Variants in SAR1A observed in about 807,000 individuals in gnomAD.
The protein encoded by SAR1A is secretion associated Ras related GTPase 1A.
SAR1A carries 6 observed loss-of-function variants against 22.6 expected under a neutral mutation model. The observed-to-expected ratio is 0.27, with a 90% CI of 0.15 to 0.52. SAR1A has a LOEUF of 0.52. SAR1A is among the 20% of genes least tolerant of loss of function. The pLI is 0.96. For synonymous variants in SAR1A, 70 were observed against 82.2 expected, an observed-to-expected ratio of 0.85 and a Z score of 0.80; for missense variants, 145 against 245.1, an observed-to-expected ratio of 0.59 and a Z score of 2.73.
chr10:70,165,180 G>A (rs1839531164), intron 1 of SAR1A, among the ~76,000 whole-genome samples: 1 of 149,892 alleles, frequency 6.7e-6, no homozygotes, highest in Admixed American at 6.7e-5. Context: ...CAGGAGAATG[G>A]CGTGAACCCG....
At chr10:70,155,801 T>C (rs1041506914) in intron 5 of SAR1A, among the ~76,000 whole-genome samples, 7 of 152,132 alleles carry the variant, frequency 4.6e-5, no homozygotes, top group Non-Finnish European at 1.0e-4. Context: ...TAGCTACTTG[T>C]GCATATTCAA....
At chr10:70,155,375 T>C (rs1839374995) in intron 5 of SAR1A, among the ~76,000 whole-genome samples, 1 of 152,152 alleles carries the variant, frequency 6.6e-6, no homozygotes. Context: ...GGGAATCTAG[T>C]TGTCACCAAT....
intron 1 of SAR1A, among the ~76,000 whole-genome samples, chr10:70,162,474 CAGGGGAGGAGGGGG>C (rs1424428897): frequency 5.7e-5 from 2 of 34,928 alleles, no homozygotes; most frequent in East Asian, 1.1e-3. Flanking sequence ...GGAGGCGGGG[CAGGGGAGGAGGGGG>C]AGGGGAGGAG....
chr10:70,167,277 G>C (rs546081747), intron 1 of SAR1A: 1 of 152,118 alleles, frequency 6.6e-6, no homozygotes, highest in East Asian at 1.9e-4. Context: ...ATGCGGTGCA[G>C]AAAAATGGAA....
intron 4 of SAR1A, 129 bp downstream of exon 4, chr10:70,160,875 A>G (rs1244165416): frequency 4.8e-6 from 3 of 630,176 alleles, no homozygotes; most frequent in Non-Finnish European, 8.3e-6. Context: ...ACTTCACTAA[A>G]GTAATAAGAT....
At position 70,149,643 on chromosome 10, in the gene SAR1A, C is replaced by A. The variant is rs1839304502; in HGVS notation, c.*2833G>T. The stretch of plus-strand genomic sequence containing the variant: ...TGATCTCGGCTCACTTCAATCTCCA[C>A]CTCCTAGTTCAAGCGATTCTCCGCC... On this transcript the variant is annotated 3_prime_UTR_variant, in exon 7 of 7. Coordinates refer to ENST00000373241, the MANE Select transcript of SAR1A (RefSeq NM_020150.5). 1 of 139,232 alleles carries A rather than the reference C, an allele frequency of 7.2e-6. No individual in the cohort carries two copies. Among genetic ancestry groups the A allele is most frequent in the African/African-American group, 2.7e-5 (1 of 36,560 alleles). 8.6% of individuals were successfully genotyped at this position (139,232 alleles called of 1,614,324 possible).
intron 6 of SAR1A, 88 bp downstream of exon 6, chr10:70,153,750 A>T: frequency 1.8e-6 from 2 of 1,141,810 alleles, no homozygotes; most frequent in Non-Finnish European, 2.4e-6. Flanking sequence ...TTAAGCCTTT[A>T]AAAGAAAAGG....
At chr10:70,166,871 G>A (rs111446605) in intron 1 of SAR1A, 235 of 151,556 alleles carry the variant, frequency 1.6e-3, no homozygotes, top group African/African-American at 5.3e-3. Context: ...ATGGTGGCAC[G>A]TGCTTGTAGT....
chr10:70,170,160 G>A (rs1260148644), intron 1 of SAR1A, among the ~76,000 whole-genome samples: 1 of 152,054 alleles, frequency 6.6e-6, no homozygotes, highest in East Asian at 1.9e-4. Context: ...ACTGTTATCC[G>A]GCCCAGCAGC....
chr10:70,163,938 A>C (rs1564571445), intron 1 of SAR1A: 58 of 1,561,750 alleles, frequency 3.7e-5, no homozygotes, highest in Non-Finnish European at 5.0e-5. Flanking sequence ...TGAAGAAGAA[A>C]TTAGAGAAAC....
At position 70,153,850 on chromosome 10, in the gene SAR1A, C is replaced by G. The variant is rs1242979930; in HGVS notation, c.468G>C (p.Gln156His). Residue 156 changes from glutamine (Q) to histidine (H), a missense_variant, in exon 6 of 7, where the codon CAG becomes CAC. Gln to His is a conservative substitution (Grantham distance 24, BLOSUM62 0). This residue lies in a region of SAR1A where 83 missense variants were observed against 114.7 expected (regional missense o/e 0.72). Transcript: ENST00000373241. The stretch of plus-strand genomic sequence containing the variant: ...ATTTTTCTCTTACCTTTCCTGTGGT[C>G]TGTCCATAAAGCCCAAATATCTCAC... ...KLREIFGLYG[Q>H]TTGKGNVTLK... is the part of the protein sequence containing the mutation. The G allele has an allele frequency of 1.3e-6, 2 of 1,586,774 alleles. No individual in the cohort carries two copies. Among genetic ancestry groups the G allele is most frequent in the South Asian group, 1.2e-5 (1 of 85,350 alleles).
intron 6 of SAR1A, 130 bp from the exon 7 acceptor site, chr10:70,152,722 G>A: frequency 1.5e-6 from 1 of 686,866 alleles, no homozygotes. Context: ...ACAGAAATGT[G>A]GTCAAGGCCA....
At chr10:70,166,089 T>C (rs1316305819) in intron 1 of SAR1A, among the ~76,000 whole-genome samples, 3 of 152,244 alleles carry the variant, frequency 2.0e-5, no homozygotes, top group Non-Finnish European at 4.4e-5. Context: ...GTACGTATTT[T>C]CTAAGACGTA....
chr10:70,156,952 T>C (rs1026421633), intron 5 of SAR1A, among the ~76,000 whole-genome samples: 1 of 152,166 alleles, frequency 6.6e-6, no homozygotes, highest in Admixed American at 6.5e-5. Flanking sequence ...TCAAAGGATG[T>C]ATGCAACCAA....
intron 1 of SAR1A, chr10:70,167,325 C>T (rs531778800): frequency 7.2e-5 from 11 of 152,154 alleles, no homozygotes; most frequent in East Asian, 3.9e-4. Flanking sequence ...GCAGGAGCAT[C>T]TGAACACAGG....
At chr10:70,152,645 A>T in intron 6 of SAR1A, 53 bp from the exon 7 acceptor site, 1 of 1,168,984 alleles carries the variant, frequency 8.6e-7, no homozygotes, top group South Asian at 1.2e-5. Flanking sequence ...GGTGGAAAAG[A>T]TTGAAAGGAC....
intron 5 of SAR1A, among the ~76,000 whole-genome samples, chr10:70,157,207 A>C (rs1839400493): frequency 6.6e-6 from 1 of 152,158 alleles, no homozygotes; most frequent in Admixed American, 6.5e-5. Flanking sequence ...GATCAAGACC[A>C]ACCTGACTAA....
rs1324747377 is a variant in SAR1A at position 70,149,720 on chromosome 10, A to ATT, written c.*2754_*2755dup. On this transcript the variant is annotated 3_prime_UTR_variant, in exon 7 of 7. Coordinates refer to ENST00000373241, the MANE Select transcript of SAR1A (RefSeq NM_020150.5). ...CTCCATGTACCACAATGCCCAGCTA[A>ATT]TTTTTTTGTATTTTAGTAGTGATGG... The ATT allele has an allele frequency of 1.3e-5, 2 of 151,282 alleles. No homozygotes were observed. The highest frequency in any genetic ancestry group is 2.9e-5 in the Non-Finnish European group (2 of 67,848). The allele number at this position is 151,282 out of a possible 1,614,324, so 9.4% of individuals were successfully genotyped here.
At chr10:70,153,127 A>C (rs1839346919) in intron 6 of SAR1A, among the ~76,000 whole-genome samples, 1 of 152,252 alleles carries the variant, frequency 6.6e-6, no homozygotes, top group Non-Finnish European at 1.5e-5. Context: ...CATGTAAAAA[A>C]GTCAGAAAGT....
Sources: gnomAD v4.1 joint callset for allele counts (sites outside exome capture counted in the v4.1 genomes callset) on GRCh38, gnomAD v4.1.1 for gene constraint, gnomAD v4.1.1 regional missense constraint, MANE v1.5 for transcripts, NCBI Gene and HGNC (gene_info 2026-07-23, HGNC 2026-07-21) for gene names.